The following DBH variants were observed in gnomAD, a reference collection of about 807,000 sequenced individuals.
The protein encoded by DBH is dopamine beta-hydroxylase (dopamine beta-monooxygenase).
A neutral mutation model predicts 64.0 loss-of-function variants in DBH; 49 were observed. The ratio of observed to expected loss-of-function variants is 0.77; its 90% CI spans 0.61 to 0.97. The LOEUF is 0.97. Among genes scored for constraint, DBH ranks in the 50% least tolerant of loss-of-function variants. The pLI is 0.00. For missense variants in DBH, 828 were observed against 826.6 expected (o/e 1.00, Z -0.02); for synonymous variants, 343 against 347.1 (o/e 0.99, Z 0.13).
intron 5 of DBH, among the ~76,000 whole-genome samples, chr9:133,646,704 A>G (rs1166302400): frequency 6.6e-6 from 1 of 151,766 alleles, no homozygotes; most frequent in Non-Finnish European, 1.5e-5. Flanking sequence ...TTGTATTTTT[A>G]GTAGAGACAG....
rs1832139172 is a variant in DBH, at chr9:133,643,323, GAT to G, written c.745-89_745-88del. On this transcript the variant is annotated intron_variant, in intron 3 of 11. Transcript: ENST00000393056. This position sits in a 1 kb window ranked among gnomAD's most constrained non-coding sequence, Gnocchi z 5.3. ...TCTGGATCATCCCTCCCATTTTACAGATGGGCATTCGGAAGCCCATGGAGGAG... is the reference window on the plus strand; with the variant it reads ...TCTGGATCATCCCTCCCATTTTACAGGGGCATTCGGAAGCCCATGGAGGAG... The G allele has an allele frequency of 7.4e-7, 1 of 1,359,602 alleles. No homozygotes were observed. The highest frequency in any genetic ancestry group is 1.0e-6 in the Non-Finnish European group (1 of 960,748). The allele number at this position is 1,359,602 out of a possible 1,614,324, so 84.2% of individuals were successfully genotyped here. A position where few individuals can be genotyped will look rare whatever the true frequency, so the allele number is the denominator to read the frequency against.
intron 3 of DBH, 75 bp downstream of exon 3, chr9:133,642,539 G>C (rs951650817): frequency 1.3e-6 from 2 of 1,527,206 alleles, no homozygotes; most frequent in East Asian, 2.4e-5. Flanking sequence ...CCTGACCCTG[G>C]AGAGCTGTCC....
intron 2 of DBH, 32 bp downstream of exon 2, chr9:133,640,024 G>A (rs13306308): frequency 0.018 from 29,711 of 1,612,242 alleles, 337 homozygotes; most frequent in African/African-American, 0.036. Context: ...CCAGGAGGGC[G>A]TGGGCTGCGT....
chr9:133,657,417 A>AGAGAGAGGAGAGAGAGGAGAGAGAG (rs1832340265), intron 11 of DBH, 188 bp downstream of exon 11: 2 of 36,944 alleles, frequency 5.4e-5, no homozygotes, highest in East Asian at 9.3e-4. Context: ...AGGAGAGAGG[A>AGAGAGAGGAGAGAGAGGAGAGAGAG]GAGAGAGGAG....
chr9:133,650,543 C>T (rs1588351893), intron 6 of DBH, among the ~76,000 whole-genome samples: 6 of 92,224 alleles, frequency 6.5e-5, no homozygotes, highest in African/African-American at 1.6e-4. Flanking sequence ...TTCTTTCTTC[C>T]TTCCTTTCTT....
chr9:133,649,718 T>C (rs1832222334), intron 6 of DBH, among the ~76,000 whole-genome samples: 1 of 152,220 alleles, frequency 6.6e-6, no homozygotes, highest in South Asian at 2.1e-4. Context: ...TGGTGAAGCG[T>C]GGGCCCATGT....
In DBH at chr9:133,645,060, G is replaced by A. The variant is rs540037581; in HGVS notation, c.1024+740G>A. 3.3e-5 allele frequency among the ~76,000 whole-genome samples: 5 copies of A among 152,156 alleles called. No individual in the cohort carries two copies. In the East Asian group the frequency reaches 7.7e-4, roughly 23 times the overall value. On this transcript the variant is annotated intron_variant, in intron 5 of 11. Transcript: ENST00000393056. ...GTGCTTCTTCTTTTCATTTGTGCAA[G>A]GTGCAGAAGTGGCCTAAGAGATAGG...
chr9:133,642,047 C>T (rs994188604), intron 2 of DBH, among the ~76,000 whole-genome samples, 160 bp from the exon 3 acceptor site: 17 of 152,210 alleles, frequency 1.1e-4, no homozygotes, highest in African/African-American at 3.9e-4. Flanking sequence ...GATTTGGCCC[C>T]AGCCAGGGCC....
rs772315844 is a variant in DBH, at chr9:133,639,970, A to G, written c.464A>G (p.Asp155Gly). ...LLFKRPFGTC[D>G]PKDYLIEDGT... is the part of the protein sequence containing the mutation. ...TTCAAGAGGCCCTTTGGCACCTGCG[A>G]CCCCAAGGATTACCTCATTGAAGTA... The change falls in exon 2 of 12, where the codon GAC becomes GGC. Residue 155 changes from aspartate to glycine, a missense_variant. Coordinates refer to ENST00000393056, the MANE Select transcript of DBH (RefSeq NM_000787.4). 15 of 1,613,790 alleles carry G rather than the reference A, an allele frequency of 9.3e-6. No individual in the cohort carries two copies. Among genetic ancestry groups the G allele is most frequent in the Non-Finnish European group, 1.3e-5 (15 of 1,179,984 alleles).
chr9:133,637,562 G>A lies in DBH; in HGVS notation c.339+852G>A, dbSNP rs3025384. Among the ~76,000 whole-genome samples the A allele has an allele frequency of 3.1e-3, 469 of 152,366 alleles. 4 individuals carry two copies. The highest frequency in any genetic ancestry group is 0.025 in the Admixed American group (388 of 15,312). The stretch of plus-strand genomic sequence containing the variant: ...AAAAAAGTTTTATTTCTGAAGTCAG[G>A]AGGTGCCTGCTTTATCTGGGAGTGC... On this transcript the variant is annotated intron_variant, in intron 1 of 11. Coordinates refer to ENST00000393056, the MANE Select transcript of DBH (RefSeq NM_000787.4).
chr9:133,645,638 G>A (rs1832173049), intron 5 of DBH, among the ~76,000 whole-genome samples: 1 of 152,148 alleles, frequency 6.6e-6, no homozygotes, highest in Non-Finnish European at 1.5e-5. Context: ...AGCCGTTTGA[G>A]TTTGGATGGT....
chr9:133,636,830 A>C, intron 1 of DBH, 120 bp downstream of exon 1: 1 of 965,974 alleles, frequency 1.0e-6, no homozygotes, highest in South Asian at 1.4e-5. Context: ...TCAGTGTTTG[A>C]GTTGACTCTG....
chr9:133,658,370 ACCCCACAGTG>A lies in DBH; in HGVS notation c.1784_1793del (p.Gln595ProfsTer83). 1 of 1,613,428 alleles carries A rather than the reference ACCCCACAGTG, an allele frequency of 6.2e-7. No individual in the cohort carries two copies. The highest frequency in any genetic ancestry group is 1.1e-5 in the South Asian group (1 of 91,022). On this transcript the variant is annotated frameshift_variant, in exon 12 of 12. Transcript: ENST00000393056. LOFTEE classifies it low-confidence loss of function (END_TRUNC). ...GGTCATCTCCACACTGGAAGAGCCC[ACCCCACAGTG>A]CCCCACCAGCCAGGGCCGAAGCCCT...
chr9:133,657,793 CAG>C (rs1360411899), intron 11 of DBH, among the ~76,000 whole-genome samples: 47 of 152,174 alleles, frequency 3.1e-4, no homozygotes, highest in African/African-American at 1.1e-3. Flanking sequence ...AGGGCCTATG[CAG>C]AGTTAGTCGC....
chr9:133,657,450 AGGAGAGAGGGAGAGGGAGAGAG>A (rs1161534636), intron 11 of DBH: 1 of 88,288 alleles, frequency 1.1e-5, no homozygotes, highest in African/African-American at 1.2e-4. Flanking sequence ...GAGGAGAGAG[AGGAGAGAGGGAGAGGGAGAGAG>A]GGAGAGGGAG....
chr9:133,651,490 TG>T, intron 6 of DBH, 143 bp from the exon 7 acceptor site: 1 of 1,049,686 alleles, frequency 9.5e-7, no homozygotes, highest in Non-Finnish European at 1.4e-6. Flanking sequence ...GGCTCTAACC[TG>T]GCCGGGGAGA....
rs749392010 is a variant in DBH, at chr9:133,657,157, C to T, written c.1650C>T (p.Asp550=). The stretch of plus-strand genomic sequence containing the variant: ...TTCCCTGGAACTCCTTCAACCGCGA[C>T]GTACTGAAGGCCCTGTACAGCTTCG... ...TSVPWNSFNR[D]VLKALYSFAP... is the part of the protein sequence containing the mutation. The change falls in exon 11 of 12, where the codon GAC becomes GAT. Residue 550 remains aspartate (D), a synonymous_variant. Transcript: ENST00000393056. 1.4e-5 allele frequency: 23 copies of T among 1,614,008 alleles called. No individual in the cohort carries two copies. The highest frequency in any genetic ancestry group is 3.3e-5 in the South Asian group (3 of 91,090).
In DBH at chr9:133,643,800, C is replaced by T. The variant is rs182190916; in HGVS notation, c.921+211C>T. Among the ~76,000 whole-genome samples the T allele has an allele frequency of 1.5e-4, 23 of 152,292 alleles. No homozygotes were observed. Among genetic ancestry groups the T allele is most frequent in the Admixed American group, 1.0e-3 (16 of 15,300 alleles). On this transcript the variant is annotated intron_variant, in intron 4 of 11. Transcript: ENST00000393056. This position sits in a 1 kb window ranked among gnomAD's most constrained non-coding sequence, Gnocchi z 5.3. ...GCCTTTTTTTTATTTTCCACAGAAA[C>T]GCAAGTGCCGCAGGACCTTATGCCC... is the stretch of plus-strand genomic sequence containing the variant.
chr9:133,646,413 G>T (rs565345521), intron 5 of DBH, among the ~76,000 whole-genome samples: 1 of 152,130 alleles, frequency 6.6e-6, no homozygotes, highest in Non-Finnish European at 1.5e-5. Context: ...GAGCCCAGCC[G>T]GTACTCAGAG....
Sources: gnomAD v4.1 joint callset for allele counts (sites outside exome capture counted in the v4.1 genomes callset) on GRCh38, gnomAD v4.1.1 for gene constraint, Gnocchi (gnomAD v3.1) non-coding constraint, MANE v1.5 for transcripts, NCBI Gene and HGNC (gene_info 2026-07-23, HGNC 2026-07-21) for gene names.